NSDHL: variants seen among roughly 807,000 people sequenced by gnomAD.
NSDHL encodes the protein sterol-4-alpha-carboxylate 3-dehydrogenase, decarboxylating.
Under a neutral mutation model 23.0 loss-of-function variants are expected in NSDHL, and 1 was observed. The observed-to-expected ratio is 0.04, with a 90% CI of 0.02 to 0.21. The LOEUF (loss-of-function observed/expected upper bound fraction) is 0.21, where lower values mean the gene tolerates loss of function less well. NSDHL is among the 10% of genes least tolerant of loss of function. The probability of loss-of-function intolerance (pLI) is 1.00; values close to 1 mark genes in which losing one functional copy is unlikely to be tolerated. For synonymous variants in NSDHL, 128 were observed against 121.1 expected (o/e 1.06, Z -0.37); for missense variants, 237 against 300.9 (o/e 0.79, Z 1.57).
rs1276434523 is a variant in NSDHL, at chrX:152,867,687, C to T, written c.789+14C>T. 1.8e-6 allele frequency: 2 copies of T among 1,118,831 alleles called. No individual in the cohort carries two copies. Among genetic ancestry groups the T allele is most frequent in the African/African-American group, 3.6e-5 (2 of 56,219 alleles). 92.2% of individuals were successfully genotyped at this position (1,118,831 alleles called of 1,213,427 possible). A position where few individuals can be genotyped will look rare whatever the true frequency, so the allele number is the denominator to read the frequency against. ...CTGGGTGGGAAGGTAAGGCCTGCTG[C>T]ACCGGTCCCTGCACAGGTGCCTTTC... On this transcript the variant is annotated intron_variant, in intron 7 of 7. Coordinates refer to ENST00000370274, the MANE Select transcript of NSDHL (RefSeq NM_015922.3).
At chrX:152,862,485 C>T in intron 4 of NSDHL, 111 bp from the exon 5 acceptor site, 1 of 724,950 alleles carries the variant, frequency 1.4e-6, no homozygotes, top group South Asian at 2.2e-5. Flanking sequence ...TTCAGTGCCT[C>T]GAATGCGAGG....
intron 3 of NSDHL, among the ~76,000 whole-genome samples, chrX:152,855,167 A>G (rs1007997988): frequency 9.3e-6 from 1 of 107,305 alleles, no homozygotes; most frequent in African/African-American, 3.4e-5. Flanking sequence ...ACTAATTTTT[A>G]TATTCTTAGT....
intron 5 of NSDHL, among the ~76,000 whole-genome samples, chrX:152,863,418 C>T (rs1219298991): frequency 8.9e-6 from 1 of 111,785 alleles, no homozygotes; most frequent in Non-Finnish European, 1.9e-5. Flanking sequence ...GGAGCTTCCT[C>T]GCCTGCTATG....
chrX:152,867,786 C>G lies in NSDHL; in HGVS notation c.789+113C>G, dbSNP rs1258270971. 33 of 566,969 alleles carry G rather than the reference C, an allele frequency of 5.8e-5. No homozygotes were observed. In the Admixed American group the frequency reaches 8.4e-4, roughly 14 times the overall value. 46.7% of individuals were successfully genotyped at this position (566,969 alleles called of 1,213,427 possible). On this transcript the variant is annotated intron_variant, in intron 7 of 7. Transcript: ENST00000370274. Reference sequence around the variant, plus strand: ...TGATCCTGTATCATGGAGGATCTGCCTTAGGACCCCCTGTGCCAAGATCAA... The same window carrying G: ...TGATCCTGTATCATGGAGGATCTGCGTTAGGACCCCCTGTGCCAAGATCAA...
At chrX:152,850,505 A>G in intron 3 of NSDHL, 82 bp downstream of exon 3, 1 of 972,104 alleles carries the variant, frequency 1.0e-6, no homozygotes, top group Non-Finnish European at 1.5e-6. Context: ...GAAGCCAGCC[A>G]ATTTGTTTGA....
intron 1 of NSDHL, among the ~76,000 whole-genome samples, chrX:152,837,982 T>G (rs1417116703): frequency 5.4e-5 from 6 of 112,021 alleles, no homozygotes; most frequent in African/African-American, 1.9e-4. Flanking sequence ...GAGCCTGTTA[T>G]TGGTCTGTTC....
chrX:152,869,675 C>T lies in NSDHL; in HGVS notation c.*559C>T. ...AAAGCTGAAATGACTGTAATTCCTC[C>T]CCAGTCTCTGTTGCTTGTTCAACTC... On this transcript the variant is annotated 3_prime_UTR_variant, in exon 8 of 8. Coordinates refer to ENST00000370274, the MANE Select transcript of NSDHL (RefSeq NM_015922.3). The T allele has an allele frequency of 7.7e-6, 1 of 129,728 alleles. No homozygotes were observed. The allele number at this position is 129,728 out of a possible 1,213,427, so 10.7% of individuals were successfully genotyped here.
At chrX:152,854,730 A>G (rs1556846754) in intron 3 of NSDHL, among the ~76,000 whole-genome samples, 1 of 109,980 alleles carries the variant, frequency 9.1e-6, no homozygotes, top group African/African-American at 3.3e-5. Flanking sequence ...TTTAAAATGT[A>G]CTTTCACCTG....
In NSDHL at chrX:152,867,662, C is replaced by T. The variant is rs200938993; in HGVS notation, c.778C>T (p.Leu260=). The T allele has an allele frequency of 6.7e-6, 8 of 1,196,793 alleles. No homozygotes were observed. The highest frequency in any genetic ancestry group is 6.8e-6 in the Non-Finnish European group (6 of 881,653). Residue 260 remains leucine, a synonymous_variant, in exon 7 of 8, where the codon CTG becomes TTG. Coordinates refer to ENST00000370274, the MANE Select transcript of NSDHL (RefSeq NM_015922.3). The part of the protein sequence containing the change: ...AAEQLSRDST[L]GGKAFHITND... ...AGAGCAGCTCTCCCGAGACTCGACACTGGGTGGGAAGGTAAGGCCTGCTGC... is the reference window on the plus strand; with the variant it reads ...AGAGCAGCTCTCCCGAGACTCGACATTGGGTGGGAAGGTAAGGCCTGCTGC...
At chrX:152,842,978 G>A (rs782489368) in intron 1 of NSDHL, among the ~76,000 whole-genome samples, 112 of 111,867 alleles carry the variant, frequency 1.0e-3, no homozygotes, top group Admixed American at 4.7e-4. Context: ...ACTCATTTGC[G>A]CGGCTAGCTC....
chrX:152,846,454 A>G, intron 2 of NSDHL, 22 bp downstream of exon 2: 1 of 995,083 alleles, frequency 1.0e-6, no homozygotes, highest in African/African-American at 1.9e-5. Context: ...GTTGACACGT[A>G]CATACCAACA....
At chrX:152,868,542 T>C (rs782101266) in intron 7 of NSDHL, among the ~76,000 whole-genome samples, 13 of 112,757 alleles carry the variant, frequency 1.2e-4, no homozygotes, top group Non-Finnish European at 1.7e-4. Flanking sequence ...TTAACAATTA[T>C]CAAATTAACA....
chrX:152,837,281 C>T (rs1933113866), intron 1 of NSDHL, among the ~76,000 whole-genome samples: 1 of 111,532 alleles, frequency 9.0e-6, no homozygotes. Flanking sequence ...ATTGAATACC[C>T]TTTATTTCTT....
intron 3 of NSDHL, among the ~76,000 whole-genome samples, chrX:152,857,390 C>T (rs1933458948): frequency 8.9e-6 from 1 of 112,320 alleles, no homozygotes; most frequent in Middle Eastern, 4.2e-3. Context: ...CAGACTTGCA[C>T]CTCCTGAGGT....
intron 3 of NSDHL, among the ~76,000 whole-genome samples, chrX:152,854,610 A>G (rs1569473905): frequency 9.1e-6 from 1 of 109,403 alleles, no homozygotes; most frequent in African/African-American, 3.3e-5. Context: ...GGGTTTCACC[A>G]TGTTGGCCAG....
intron 3 of NSDHL, among the ~76,000 whole-genome samples, chrX:152,852,528 A>T (rs894771829): frequency 3.7e-5 from 1 of 26,705 alleles, no homozygotes; most frequent in Admixed American, 6.5e-4. Context: ...CAACACCTAC[A>T]CTGTTTAATG....
chrX:152,848,159 T>G (rs1044432409), intron 2 of NSDHL, among the ~76,000 whole-genome samples: 1 of 111,656 alleles, frequency 9.0e-6, no homozygotes, highest in Non-Finnish European at 1.9e-5. Context: ...CCACCGTGCC[T>G]GGCCCCTATT....
intron 3 of NSDHL, among the ~76,000 whole-genome samples, chrX:152,858,446 T>G (rs1569474325): frequency 2.7e-5 from 3 of 111,972 alleles, no homozygotes; most frequent in South Asian, 3.7e-4. Context: ...TGAGTTCACC[T>G]TCCTGGGGAG....
intron 1 of NSDHL, among the ~76,000 whole-genome samples, chrX:152,840,230 C>T (rs1230797650): frequency 8.9e-6 from 1 of 111,786 alleles, no homozygotes; most frequent in African/African-American, 3.3e-5. Context: ...TTTTAGCTTC[C>T]TTGCGATGGG....
Sources: allele counts gnomAD v4.1 joint callset (sites outside exome capture counted in the v4.1 genomes callset), GRCh38; gene constraint gnomAD v4.1.1; transcripts MANE v1.5; gene names NCBI Gene and HGNC (gene_info 2026-07-23, HGNC 2026-07-21).